The following ELP3 variants were observed in gnomAD, a reference collection of about 807,000 sequenced individuals.
ELP3 encodes the protein elongator acetyltransferase complex subunit 3.
A neutral mutation model predicts 74.9 loss-of-function variants in ELP3; 56 were observed. The observed-to-expected ratio is 0.75, with a 90% confidence interval of 0.60 to 0.93. The LOEUF (loss-of-function observed/expected upper bound fraction) is 0.93. Among genes scored for constraint, ELP3 ranks in the 40% least tolerant of loss-of-function variants. The pLI, the probability that ELP3 is intolerant of heterozygous loss-of-function variation, is 0.00. For missense variants in ELP3, 573 were observed against 686.5 expected, an observed-to-expected ratio of 0.83 and a Z score of 1.85; for synonymous variants, 222 against 239.8, an observed-to-expected ratio of 0.93 and a Z score of 0.68.
chr8:28,112,428 G>C (rs917860143), intron 6 of ELP3: 1 of 152,122 alleles, frequency 6.6e-6, no homozygotes, highest in Admixed American at 6.6e-5. Flanking sequence ...CACCGCACCT[G>C]GCCTGAATAT....
At chr8:28,142,472 G>A (rs1813282033) in intron 10 of ELP3, among the ~76,000 whole-genome samples, 1 of 152,208 alleles carries the variant, frequency 6.6e-6, no homozygotes, top group Non-Finnish European at 1.5e-5. Context: ...AGATTTCGAA[G>A]TGACACTCTT....
intron 2 of ELP3, 51 bp from the exon 3 acceptor site, chr8:28,099,777 C>T (rs776805694): frequency 5.5e-5 from 89 of 1,604,454 alleles, no homozygotes; most frequent in Admixed American, 2.0e-4. Flanking sequence ...CTCTTGGTAG[C>T]TTGTCCTTAA....
chr8:28,110,725 T>TGGA (rs1811885528), intron 6 of ELP3: 1 of 301,022 alleles, frequency 3.3e-6, no homozygotes, highest in East Asian at 8.5e-5. Flanking sequence ...AATAAAGATG[T>TGGA]ATGAAAGTTC....
intron 14 of ELP3, among the ~76,000 whole-genome samples, chr8:28,168,400 T>G (rs1475292745): frequency 6.6e-6 from 1 of 152,222 alleles, no homozygotes; most frequent in Non-Finnish European, 1.5e-5. Flanking sequence ...AGTGTGCATG[T>G]TGAGATCTTG....
At position 28,106,223 on chromosome 8, in the gene ELP3, C is replaced by G. The variant is rs554534095; in HGVS notation, c.259-490C>G. 5.5e-3 allele frequency among the ~76,000 whole-genome samples: 833 copies of G among 152,300 alleles called. 3 individuals carry two copies. The highest frequency in any genetic ancestry group is 9.1e-3 in the Non-Finnish European group (616 of 68,026). ...TGATTAATATTGAACAGAGATCACT[C>G]TTGTACCCATTGCCCAGCTTAAGAA... On this transcript the variant is annotated intron_variant, in intron 3 of 14. Transcript: ENST00000256398.
rs1270830958 is a variant in ELP3, at chr8:28,129,618, T to C, written c.734T>C (p.Ile245Thr). 9.9e-6 allele frequency: 16 copies of C among 1,614,010 alleles called. No individual in the cohort carries two copies. Among genetic ancestry groups the C allele is most frequent in the African/African-American group, 1.3e-5 (1 of 74,910 alleles). ...MLTYGCTRLE[I>T]GVQSVYEDVA... Reference sequence around the variant, plus strand: ...ACCTATGGCTGCACAAGGCTGGAGATTGGGGTGCAGAGTGTTTATGAAGAT... The same window carrying C: ...ACCTATGGCTGCACAAGGCTGGAGACTGGGGTGCAGAGTGTTTATGAAGAT... The change falls in exon 8 of 15, where the codon ATT (isoleucine) becomes ACT (threonine). Residue 245 changes from isoleucine to threonine, a missense_variant. Physicochemically the swap from Ile to Thr is moderately conservative, Grantham distance 89. Transcript: ENST00000256398.
At chr8:28,133,257 A>G (rs943656141) in intron 9 of ELP3, among the ~76,000 whole-genome samples, 3 of 152,022 alleles carry the variant, frequency 2.0e-5, no homozygotes, top group Non-Finnish European at 4.4e-5. Flanking sequence ...GTGTGTTTTT[A>G]TCCTCTGACT....
chr8:28,156,787 A>G (rs1304350002), intron 11 of ELP3, among the ~76,000 whole-genome samples: 1 of 152,162 alleles, frequency 6.6e-6, no homozygotes, highest in East Asian at 1.9e-4. Context: ...TTTGAAAGAC[A>G]TGGTTCCAAG....
chr8:28,155,870 A>G, intron 10 of ELP3, 72 bp from the exon 11 acceptor site: 1 of 1,244,104 alleles, frequency 8.0e-7, no homozygotes, highest in Admixed American at 2.1e-5. Flanking sequence ...TAACTTTTTT[A>G]ATATCCTTGC....
chr8:28,146,727 CTT>C (rs1216124682), intron 10 of ELP3, among the ~76,000 whole-genome samples: 2 of 152,160 alleles, frequency 1.3e-5, no homozygotes, highest in Admixed American at 6.5e-5. Context: ...AGAATTATCT[CTT>C]TTCATTTTCA....
chr8:28,108,457 CTT>C (rs33948469), intron 5 of ELP3, among the ~76,000 whole-genome samples: 7 of 117,562 alleles, frequency 6.0e-5, no homozygotes, highest in Non-Finnish European at 1.0e-4. Flanking sequence ...ATTTTTTTTT[CTT>C]TTTTTTTTTT....
chr8:28,188,249 A>G (rs996132553), intron 14 of ELP3, among the ~76,000 whole-genome samples: 1 of 152,222 alleles, frequency 6.6e-6, no homozygotes, highest in African/African-American at 2.4e-5. Flanking sequence ...CAACTAGTTC[A>G]TGTTCCTTGA....
intron 9 of ELP3, among the ~76,000 whole-genome samples, chr8:28,135,158 G>A (rs980176030): frequency 2.6e-5 from 4 of 152,060 alleles, no homozygotes; most frequent in Non-Finnish European, 5.9e-5. Flanking sequence ...TCGAACTTCT[G>A]ACCTCGTGAT....
At chr8:28,183,540 CAGCCTCACGAGT>C (rs961830635) in intron 14 of ELP3, among the ~76,000 whole-genome samples, 2 of 152,208 alleles carry the variant, frequency 1.3e-5, no homozygotes, top group African/African-American at 4.8e-5. Flanking sequence ...TCTCACCCCT[CAGCCTCACGAGT>C]AGCTGGGATT....
upstream of ELP3, chr8:28,093,069 G>A (rs1214635087): frequency 5.2e-6 from 7 of 1,355,616 alleles, no homozygotes; most frequent in Non-Finnish European, 7.2e-6. Flanking sequence ...GTGGCTTTGT[G>A]CACGTCGGCT....
intron 14 of ELP3, among the ~76,000 whole-genome samples, chr8:28,174,543 C>A (rs569486509): frequency 3.3e-5 from 5 of 152,230 alleles, no homozygotes; most frequent in African/African-American, 7.2e-5. Flanking sequence ...TCCTATACAT[C>A]TCTGTCCCTC....
chr8:28,175,294 C>T (rs919926692), intron 14 of ELP3, among the ~76,000 whole-genome samples: 1 of 152,078 alleles, frequency 6.6e-6, no homozygotes, highest in Non-Finnish European at 1.5e-5. Flanking sequence ...TTGATGGTAT[C>T]CCCCACGTCT....
chr8:28,108,030 A>T, intron 5 of ELP3, 54 bp downstream of exon 5: 1 of 1,486,872 alleles, frequency 6.7e-7, no homozygotes, highest in Non-Finnish European at 9.3e-7. Context: ...CTTTACCTGT[A>T]GTATGGTTTT....
At chr8:28,096,370 A>T (rs1811253365) in intron 1 of ELP3, among the ~76,000 whole-genome samples, 2 of 152,242 alleles carry the variant, frequency 1.3e-5, no homozygotes, top group East Asian at 3.8e-4. Flanking sequence ...TGGAAAAATC[A>T]TCTTCCATAA....
Sources: gnomAD v4.1 joint callset for allele counts (sites outside exome capture counted in the v4.1 genomes callset) on GRCh38, gnomAD v4.1.1 for gene constraint, MANE v1.5 for transcripts, NCBI Gene and HGNC (gene_info 2026-07-23, HGNC 2026-07-21) for gene names.